Variants in GOLGA3 observed in about 807,000 individuals in gnomAD.
The protein encoded by GOLGA3 is golgin subfamily A member 3.
A neutral mutation model predicts 169.4 loss-of-function variants in GOLGA3; 75 were observed. The ratio of observed to expected loss-of-function variants is 0.44; its 90% confidence interval spans 0.37 to 0.54. The LOEUF is 0.54. Among genes scored for constraint, GOLGA3 ranks in the 20% least tolerant of loss-of-function variants. The probability of loss-of-function intolerance (pLI) is 0.00; values close to 1 mark genes in which losing one functional copy is unlikely to be tolerated. For synonymous variants in GOLGA3, 824 were observed against 822.4 expected (o/e 1.00, Z -0.03); for missense variants, 1,899 against 1,930.0 (o/e 0.98, Z 0.30).
chr12:132,801,844 G>T lies in GOLGA3; in HGVS notation c.1723C>A (p.Arg575=), dbSNP rs991038315. ...QAEISSLQSV[R]QWYQQQLALA... is the part of the protein sequence containing the mutation. ...GCGAGCTGCTGCTGGTACCACTGCC[G>T]GACACTCTGCAGGGACGAGATCTCC... is the stretch of plus-strand genomic sequence containing the variant. Residue 575 remains arginine, a synonymous_variant, in exon 8 of 24, where the codon CGG becomes AGG. Coordinates refer to ENST00000450791, the MANE Select transcript of GOLGA3 (RefSeq NM_001389683.1). 1.2e-6 allele frequency: 2 copies of T among 1,608,472 alleles called. No individual in the cohort carries two copies. Among genetic ancestry groups the T allele is most frequent in the Admixed American group, 1.7e-5 (1 of 60,018 alleles).
In GOLGA3 at chr12:132,796,050, C is replaced by A. The variant is rs1948814671; in HGVS notation, c.2271G>T (p.Leu757=). ...YDELQARLGE[L]QGEAASREDT... Reference sequence around the variant, plus strand: ...CCTCCCTGGAGGCGGCCTCGCCCTGCAGCTCCCCCAGCCTGGCCTGCAGCT... The same window carrying A: ...CCTCCCTGGAGGCGGCCTCGCCCTGAAGCTCCCCCAGCCTGGCCTGCAGCT... Residue 757 remains leucine (L), a synonymous_variant, in exon 11 of 24, where the codon CTG becomes CTT. Coordinates refer to ENST00000450791, the MANE Select transcript of GOLGA3 (RefSeq NM_001389683.1). 6.2e-7 allele frequency: 1 copy of A among 1,612,532 alleles called. No individual in the cohort carries two copies. The highest frequency in any genetic ancestry group is 8.5e-7 in the Non-Finnish European group (1 of 1,179,960).
At position 132,782,377 on chromosome 12, in the gene GOLGA3, G is replaced by A. The variant is rs377704768; in HGVS notation, c.3384C>T (p.Asn1128=). The A allele has an allele frequency of 2.9e-5, 47 of 1,614,110 alleles. No individual in the cohort carries two copies. In the African/African-American group the frequency reaches 2.9e-4, roughly 10 times the overall value. The change falls in exon 17 of 24, where the codon AAC becomes AAT. Residue 1128 remains asparagine, a synonymous_variant. Transcript: ENST00000450791. ...TGCTGTTGTGTTCCCGCAGAGCTGC[G>A]TTGGACTGACCGAGGCCCGTAAGCT... ...KGKLTGLGQS[N]AALREHNSIL... is the part of the protein sequence containing the mutation.
Position 132,807,190 on chromosome 12 carries a change from A to G in GOLGA3, c.1277T>C (p.Leu426Pro). 7 of 1,602,978 alleles carry G rather than the reference A, an allele frequency of 4.4e-6. No individual in the cohort carries two copies. The highest frequency in any genetic ancestry group is 5.1e-6 in the Non-Finnish European group (6 of 1,173,194). Residue 426 changes from leucine (L) to proline (P), a missense_variant, in exon 6 of 24, where the codon CTG becomes CCG. By Grantham distance (98) the Leu-to-Pro change is moderately conservative. Transcript: ENST00000450791. ...AACGTCCGTTACCTGACTCGCCTCC[A>G]GTGACAAGGCTTCCAGCTGTCCTTC... ...RLEGQLEALSLEASQALKEKA... is the reference protein window; with the variant it reads ...RLEGQLEALSPEASQALKEKA...
At position 132,804,956 on chromosome 12, in the gene GOLGA3, C is replaced by T. The variant is rs778780709; in HGVS notation, c.1357G>A (p.Val453Met). 1 of 1,613,282 alleles carries T rather than the reference C, an allele frequency of 6.2e-7. No individual in the cohort carries two copies. The highest frequency in any genetic ancestry group is 1.7e-5 in the Admixed American group (1 of 60,026). The part of the protein sequence containing the change: ...AALSTKLQAQ[V>M]ECSHSSQQRQ... ...TGCTGGCTGCTGTGGCTGCACTCCACCTGCGCCTGCAGCTTCGTGCTGAGG... is the reference window on the plus strand; with the variant it reads ...TGCTGGCTGCTGTGGCTGCACTCCATCTGCGCCTGCAGCTTCGTGCTGAGG... The change falls in exon 7 of 24, where the codon GTG becomes ATG. Residue 453 changes from valine (V) to methionine (M), a missense_variant. Val to Met is a conservative substitution (Grantham distance 21). Coordinates refer to ENST00000450791, the MANE Select transcript of GOLGA3 (RefSeq NM_001389683.1). The surrounding 1 kb of genome is among the most constrained non-coding windows in gnomAD (Gnocchi z 4.1).
chr12:132,777,234 CCA>C lies in GOLGA3; in HGVS notation c.3723-146_3723-145del. The C allele has an allele frequency of 2.4e-6, 2 of 828,438 alleles. No homozygotes were observed. The highest frequency in any genetic ancestry group is 1.9e-6 in the Non-Finnish European group (1 of 540,270). The allele number at this position is 828,438 out of a possible 1,614,324, so 51.3% of individuals were successfully genotyped here. A position where few individuals can be genotyped will look rare whatever the true frequency, so the allele number is the denominator to read the frequency against. ...TGCGTGCTGCAGCCATGCTTGGTGC[CCA>C]CAGTGTGCACTCGGGCAGTCCTCAC... On this transcript the variant is annotated intron_variant, in intron 19 of 23. Transcript: ENST00000450791. This position sits in a 1 kb window ranked among gnomAD's most constrained non-coding sequence, Gnocchi z 4.7.
chr12:132,825,035 C>A (rs1950353239), intron 1 of GOLGA3, among the ~76,000 whole-genome samples: 2 of 152,182 alleles, frequency 1.3e-5, no homozygotes. Context: ...GAGGACTACA[C>A]GCGGTGGAAT....
Position 132,796,831 on chromosome 12 carries a change from G to A in GOLGA3, c.1939-131C>T, listed in dbSNP as rs1459233479. On this transcript the variant is annotated intron_variant, in intron 9 of 23. Coordinates refer to ENST00000450791, the MANE Select transcript of GOLGA3 (RefSeq NM_001389683.1). The stretch of plus-strand genomic sequence containing the variant: ...CATCCACCTCCTCATCCTGTCTACC[G>A]ACTGCAGACTGAGGGCCCAGGATGG... 10 of 922,078 alleles carry A rather than the reference G, an allele frequency of 1.1e-5. No individual in the cohort carries two copies. In the East Asian group the frequency reaches 1.2e-4, roughly 11 times the overall value. The allele number at this position is 922,078 out of a possible 1,614,324, so 57.1% of individuals were successfully genotyped here. A position where few individuals can be genotyped will look rare whatever the true frequency, so the allele number is the denominator to read the frequency against.
chr12:132,821,095 G>T (rs1593394887), intron 2 of GOLGA3, among the ~76,000 whole-genome samples: 2 of 36,982 alleles, frequency 5.4e-5, no homozygotes, highest in African/African-American at 1.2e-4. Context: ...ACAGGACACC[G>T]TCTCAAAAAA....
In GOLGA3 at chr12:132,777,769, G is replaced by A. The variant is rs752951367; in HGVS notation, c.3619C>T (p.Arg1207Cys). 3.0e-5 allele frequency: 49 copies of A among 1,613,650 alleles called. No homozygotes were observed. Among genetic ancestry groups the A allele is most frequent in the Admixed American group, 2.2e-4 (13 of 59,990 alleles). The change falls in exon 19 of 24, where the codon CGC (arginine) becomes TGC (cysteine). Residue 1207 changes from arginine to cysteine, a missense_variant. By Grantham distance (180) the Arg-to-Cys change is radical. Transcript: ENST00000450791. The surrounding 1 kb of genome is among the most constrained non-coding windows in gnomAD (Gnocchi z 4.7). ...TCCAAGGAGGCCGCCTTGAAGTGGC[G>A]GCGGTTATGCCCGGCTTCCACCTTG... ...AAKVEAGHNR[R>C]HFKAASLELS... is the part of the protein sequence containing the mutation.
At chr12:132,774,952 G>C in intron 22 of GOLGA3, 189 bp downstream of exon 22, 1 of 578,704 alleles carries the variant, frequency 1.7e-6, no homozygotes, top group Non-Finnish European at 3.0e-6. Context: ...GGAAAACACT[G>C]TTGGATGAAT....
intron 23 of GOLGA3, among the ~76,000 whole-genome samples, chr12:132,773,604 C>G (rs1593214444): frequency 6.6e-6 from 1 of 152,236 alleles, no homozygotes; most frequent in African/African-American, 2.4e-5. Context: ...ACACTTCGCT[C>G]AGCCTCAGGC....
At chr12:132,786,287 C>G (rs1025914596) in intron 15 of GOLGA3, 52 bp downstream of exon 15, 13 of 1,269,830 alleles carry the variant, frequency 1.0e-5, no homozygotes, top group Non-Finnish European at 1.3e-5. Context: ...AGAGCCCTTC[C>G]CTGCACTGAG....
In GOLGA3 at chr12:132,789,133, G is replaced by C; in HGVS notation, c.2705C>G (p.Ser902Trp). Reference protein sequence around the residue: ...GEKRTAEAELSRLHREVAQVR... With the variant: ...GEKRTAEAELWRLHREVAQVR... ...CTGGGCCACCTCTCTGTGCAGGCGC[G>C]AGAGCTCCGCCTCGGCAGTCCGCTT... is the stretch of plus-strand genomic sequence containing the variant. The change falls in exon 13 of 24, where the codon TCG becomes TGG. Residue 902 changes from serine to tryptophan, a missense_variant. Coordinates refer to ENST00000450791, the MANE Select transcript of GOLGA3 (RefSeq NM_001389683.1). 6.2e-7 allele frequency: 1 copy of C among 1,613,218 alleles called. No individual in the cohort carries two copies. The highest frequency in any genetic ancestry group is 8.5e-7 in the Non-Finnish European group (1 of 1,180,026).
chr12:132,770,470 C>G lies in GOLGA3; in HGVS notation c.*2635G>C, dbSNP rs2044850631. On this transcript the variant is annotated 3_prime_UTR_variant, in exon 24 of 24. Coordinates refer to ENST00000450791, the MANE Select transcript of GOLGA3 (RefSeq NM_001389683.1). ...ACCCAAGGGCACACACGCAGGAAAA[C>G]CGGGGTGAGAACATAGAGCTACTTT... is the stretch of plus-strand genomic sequence containing the variant. 1 of 152,004 alleles carries G rather than the reference C, an allele frequency of 6.6e-6. No homozygotes were observed. Among genetic ancestry groups the G allele is most frequent in the Non-Finnish European group, 1.5e-5 (1 of 68,012 alleles). The allele number at this position is 152,004 out of a possible 1,614,324, so 9.4% of individuals were successfully genotyped here.
intron 15 of GOLGA3, among the ~76,000 whole-genome samples, chr12:132,784,544 C>T (rs138823343): frequency 1.7e-3 from 259 of 152,328 alleles, no homozygotes; most frequent in African/African-American, 5.6e-3. Context: ...TTCAATGCTT[C>T]AAAAATACAG....
chr12:132,823,844 G>C (rs1950312676), intron 1 of GOLGA3, among the ~76,000 whole-genome samples: 1 of 150,380 alleles, frequency 6.6e-6, no homozygotes, highest in African/African-American at 2.5e-5. Flanking sequence ...TAACTTTGGG[G>C]GGTCAAGGTG....
chr12:132,800,644 GA>G (rs374807282), intron 8 of GOLGA3, among the ~76,000 whole-genome samples: 8 of 151,324 alleles, frequency 5.3e-5, no homozygotes, highest in African/African-American at 1.2e-4. Context: ...TTTTATCTGG[GA>G]AAAAAAAATT....
At chr12:132,821,833 GA>G (rs1469529817) in intron 2 of GOLGA3, among the ~76,000 whole-genome samples, 162 bp downstream of exon 2, 1 of 122,632 alleles carries the variant, frequency 8.2e-6, no homozygotes, top group African/African-American at 3.0e-5. Flanking sequence ...CAGCCTGGGC[GA>G]AAGAGCGAGA....
chr12:132,795,483 C>A (rs1269613147), intron 11 of GOLGA3, among the ~76,000 whole-genome samples: 1 of 147,358 alleles, frequency 6.8e-6, no homozygotes, highest in Non-Finnish European at 1.5e-5. Context: ...AAAAATTAGC[C>A]AGGCATGGTG....
Sources: allele counts gnomAD v4.1 joint callset (sites outside exome capture counted in the v4.1 genomes callset), GRCh38; gene constraint gnomAD v4.1.1; non-coding constraint Gnocchi (gnomAD v3.1); transcripts MANE v1.5; gene names NCBI Gene and HGNC (gene_info 2026-07-23, HGNC 2026-07-21).